The following LMNTD1 variants were observed in gnomAD, a reference collection of about 807,000 sequenced individuals.
The protein encoded by LMNTD1 is lamin tail domain containing 1, also known as lamin tail domain-containing protein 1.
In LMNTD1, 35 loss-of-function variants were observed where a neutral mutation model predicts 50.9. The ratio of observed to expected loss-of-function variants is 0.69; its 90% CI spans 0.53 to 0.91. The LOEUF is 0.91. Among genes scored for constraint, LMNTD1 ranks in the 40% least tolerant of loss-of-function variants. The pLI, the probability that LMNTD1 is intolerant of heterozygous loss-of-function variation, is 0.00. For missense variants in LMNTD1, 470 were observed against 475.5 expected (o/e 0.99, Z 0.11); for synonymous variants, 153 against 161.9 (o/e 0.94, Z 0.42).
intron 8 of LMNTD1, among the ~76,000 whole-genome samples, chr12:25,514,965 T>G (rs1334076781): frequency 6.6e-6 from 1 of 152,102 alleles, no homozygotes; most frequent in Admixed American, 6.6e-5. Flanking sequence ...GGTGGGAGTA[T>G]AAATTAGCAA....
chr12:25,533,434 T>C (rs1271303337), intron 4 of LMNTD1, among the ~76,000 whole-genome samples: 1 of 152,214 alleles, frequency 6.6e-6, no homozygotes, highest in African/African-American at 2.4e-5. Flanking sequence ...CTTTCCATTA[T>C]TTAAGCACTA....
At chr12:25,509,168 C>T (rs1283648814) in intron 8 of LMNTD1, among the ~76,000 whole-genome samples, 1 of 152,172 alleles carries the variant, frequency 6.6e-6, no homozygotes, top group African/African-American at 2.4e-5. Context: ...AGTGCAATGG[C>T]GTGATCTCGG....
chr12:25,618,288 T>G (rs1165659206), intron 1 of LMNTD1, among the ~76,000 whole-genome samples: 1 of 152,216 alleles, frequency 6.6e-6, no homozygotes, highest in Non-Finnish European at 1.5e-5. Context: ...TTGGGAATTC[T>G]GATTTAATTG....
At chr12:25,586,825 G>A (rs1299410239) in intron 1 of LMNTD1, among the ~76,000 whole-genome samples, 1 of 152,188 alleles carries the variant, frequency 6.6e-6, no homozygotes, top group Non-Finnish European at 1.5e-5. Flanking sequence ...AACACTTAGT[G>A]TATAGCTGAT....
chr12:25,526,704 C>T, intron 5 of LMNTD1, 65 bp downstream of exon 5: 2 of 1,078,014 alleles, frequency 1.9e-6, no homozygotes, highest in Non-Finnish European at 2.7e-6. Context: ...GAGCCACAGA[C>T]TGTCAGTGTC....
At chr12:25,618,550 G>A (rs1416774487) in intron 1 of LMNTD1, among the ~76,000 whole-genome samples, 1 of 152,096 alleles carries the variant, frequency 6.6e-6, no homozygotes, top group Non-Finnish European at 1.5e-5. Flanking sequence ...GACCTTAGTG[G>A]GAGTGATTTT....
intron 8 of LMNTD1, 59 bp downstream of exon 8, chr12:25,518,736 A>T: frequency 6.8e-7 from 1 of 1,460,168 alleles, no homozygotes; most frequent in Non-Finnish European, 9.5e-7. Flanking sequence ...CCCACTAGTT[A>T]ACACATGTGC....
intron 1 of LMNTD1, among the ~76,000 whole-genome samples, chr12:25,573,851 A>G (rs1324515578): frequency 6.6e-6 from 1 of 152,102 alleles, no homozygotes; most frequent in Non-Finnish European, 1.5e-5. Flanking sequence ...TATGAGGATC[A>G]CTTTCGGAGC....
intron 1 of LMNTD1, among the ~76,000 whole-genome samples, chr12:25,611,470 C>T (rs1946241776): frequency 6.6e-6 from 1 of 152,178 alleles, no homozygotes. Flanking sequence ...AGTTTGTCCA[C>T]ACTGGAATCC....
intron 4 of LMNTD1, among the ~76,000 whole-genome samples, chr12:25,542,503 T>C (rs1318437620): frequency 7.3e-6 from 1 of 136,406 alleles, no homozygotes; most frequent in East Asian, 2.2e-4. Flanking sequence ...TTCTCACTCA[T>C]AGGTGGGAAT....
Position 25,518,938 on chromosome 12 carries a change from G to T in LMNTD1, c.1046C>A (p.Pro349His). ...REKEIPPTVF[P>H]NRSPWCQNPY... ...ATTCTGGCACCAAGGGCTGCGATTA[G>T]GGAAAACGGTTGGTGGGATTTCCTT... The change falls in exon 8 of 10, where the codon CCT (proline) becomes CAT (histidine). Residue 349 changes from proline (P) to histidine (H), a missense_variant. Pro to His is a moderately conservative substitution (Grantham distance 77). Transcript: ENST00000458174. 1 of 1,613,990 alleles carries T rather than the reference G, an allele frequency of 6.2e-7. No homozygotes were observed. The highest frequency in any genetic ancestry group is 8.5e-7 in the Non-Finnish European group (1 of 1,180,002).
intron 9 of LMNTD1, among the ~76,000 whole-genome samples, chr12:25,502,046 A>G (rs796350226): frequency 3.3e-5 from 5 of 152,302 alleles, no homozygotes; most frequent in African/African-American, 1.2e-4. Flanking sequence ...ATTTTTTTAA[A>G]AAATCAAAGC....
intron 4 of LMNTD1, among the ~76,000 whole-genome samples, chr12:25,541,805 T>C (rs1418668579): frequency 8.1e-6 from 1 of 123,960 alleles, no homozygotes; most frequent in Admixed American, 8.5e-5. Context: ...TGGGAGAAAA[T>C]TTTTGCAACC....
chr12:25,496,715 G>A (rs903461776), intron 9 of LMNTD1, among the ~76,000 whole-genome samples: 3 of 152,118 alleles, frequency 2.0e-5, no homozygotes, highest in African/African-American at 7.2e-5. Flanking sequence ...TATTTTATTA[G>A]AAGTACTTTG....
intron 8 of LMNTD1, among the ~76,000 whole-genome samples, chr12:25,513,194 C>A (rs1156258916): frequency 6.6e-6 from 1 of 152,180 alleles, no homozygotes; most frequent in Non-Finnish European, 1.5e-5. Flanking sequence ...CACTAAGATG[C>A]ATCCCGATTA....
chr12:25,552,263 C>T (rs907538732), intron 2 of LMNTD1, among the ~76,000 whole-genome samples: 16 of 151,830 alleles, frequency 1.1e-4, no homozygotes, highest in South Asian at 8.3e-4. Flanking sequence ...TTTTTTGTCC[C>T]CAGTTCTGTA....
chr12:25,648,525 G>A (rs1947122562), exon 1 of LMNTD1: 1 of 1,551,554 alleles, frequency 6.4e-7, no homozygotes, highest in South Asian at 1.2e-5. Flanking sequence ...AAACACCGAT[G>A]TCTCCTGCTC....
At chr12:25,528,174 T>C (rs1941949138) in intron 4 of LMNTD1, among the ~76,000 whole-genome samples, 2 of 152,102 alleles carry the variant, frequency 1.3e-5, no homozygotes, top group Admixed American at 6.5e-5. Context: ...TACTTCTACA[T>C]GTTTCTTATT....
chr12:25,518,903 A>C lies in LMNTD1; in HGVS notation c.1081T>G (p.Ser361Ala), dbSNP rs151140890. 345 of 1,614,146 alleles carry C rather than the reference A, an allele frequency of 2.1e-4. No homozygotes were observed. Among genetic ancestry groups the C allele is most frequent in the Middle Eastern group, 4.9e-4 (3 of 6,062 alleles). ...ATCAGAGGACAGTAAGGATGTGCAGAGACATAGGGATTCTGGCACCAAGGG... is the reference window on the plus strand; with the variant it reads ...ATCAGAGGACAGTAAGGATGTGCAGCGACATAGGGATTCTGGCACCAAGGG... ...RSPWCQNPYV[S>A]AHPYCPLIEP... The change falls in exon 8 of 10, where the codon TCT (serine) becomes GCT (alanine). Residue 361 changes from serine to alanine, a missense_variant. Coordinates refer to ENST00000458174, the MANE Select transcript of LMNTD1 (RefSeq NM_001145728.2).
Sources: gnomAD v4.1 joint callset for allele counts (sites outside exome capture counted in the v4.1 genomes callset) on GRCh38, gnomAD v4.1.1 for gene constraint, MANE v1.5 for transcripts, NCBI Gene and HGNC (gene_info 2026-07-23, HGNC 2026-07-21) for gene names.